GALNT13: variants seen among roughly 807,000 people sequenced by gnomAD.
GALNT13 encodes UDP-GalNAc:polypeptide N-acetylgalactosaminyltransferase 13.
A neutral mutation model predicts 64.2 loss-of-function variants in GALNT13; 28 were observed. The observed-to-expected ratio is 0.44, with a 90% CI of 0.32 to 0.60. The LOEUF is 0.60. Among genes scored for constraint, GALNT13 ranks in the 20% least tolerant of loss-of-function variants. The pLI, the probability that GALNT13 is intolerant of heterozygous loss-of-function variation, is 0.05. For synonymous variants in GALNT13, 214 were observed against 224.6 expected, an observed-to-expected ratio of 0.95 and a Z score of 0.42; for missense variants, 577 against 669.8, an observed-to-expected ratio of 0.86 and a Z score of 1.53.
At chr2:154,251,706 C>T (rs928221662) in intron 7 of GALNT13, among the ~76,000 whole-genome samples, 1 of 152,166 alleles carries the variant, frequency 6.6e-6, no homozygotes, top group Non-Finnish European at 1.5e-5. Context: ...CCAAACTTCC[C>T]ATTTTTATCA....
chr2:153,944,467 T>A lies in GALNT13; in HGVS notation c.-31T>A, dbSNP rs1406582701. On this transcript the variant is annotated 5_prime_UTR_variant, in exon 3 of 13. Transcript: ENST00000392825. ...TTATCACAGTAGCATTTGTCTTCAA[T>A]CTGTGTGTTAACTAGAAATCAAGGA... 1 of 1,605,004 alleles carries A rather than the reference T, an allele frequency of 6.2e-7. No homozygotes were observed. The highest frequency in any genetic ancestry group is 8.5e-7 in the Non-Finnish European group (1 of 1,174,642).
intron 3 of GALNT13, among the ~76,000 whole-genome samples, chr2:154,063,908 A>G (rs1339261042): frequency 6.6e-6 from 1 of 152,200 alleles, no homozygotes; most frequent in Admixed American, 6.5e-5. Context: ...CAGCACCTTC[A>G]TAAGAACCAC....
the GALNT13 span, among the ~76,000 whole-genome samples, chr2:153,256,995 C>A: frequency 1.3e-5 from 2 of 152,354 alleles, no homozygotes; most frequent in African/African-American, 2.4e-5. Context: ...TCGAGCTTCC[C>A]GGCTACTTTG....
chr2:153,468,567 T>C, the GALNT13 span, among the ~76,000 whole-genome samples: 32 of 152,112 alleles, frequency 2.1e-4, no homozygotes. Flanking sequence ...ATTTTCAAGT[T>C]TTCAGTATTA....
At chr2:153,814,465 G>GTAAATAAA in the GALNT13 span, among the ~76,000 whole-genome samples, 6 of 149,016 alleles carry the variant, frequency 4.0e-5, no homozygotes, top group South Asian at 8.5e-4. Flanking sequence ...AAGTAAGTAA[G>GTAAATAAA]TAAATAAATA....
the GALNT13 span, among the ~76,000 whole-genome samples, chr2:153,156,586 TTGATATA>T: frequency 6.6e-6 from 1 of 152,296 alleles, no homozygotes. Context: ...TCTAGTAGAT[TTGATATA>T]TGTCATGTTT....
chr2:154,062,843 A>G (rs1700260517), intron 3 of GALNT13, among the ~76,000 whole-genome samples: 1 of 119,854 alleles, frequency 8.3e-6, no homozygotes, highest in East Asian at 3.0e-4. Context: ...ATTTAATTCA[A>G]CATGGAATGT....
the GALNT13 span, among the ~76,000 whole-genome samples, chr2:153,794,832 C>G: frequency 6.6e-6 from 1 of 152,088 alleles, no homozygotes; most frequent in East Asian, 1.9e-4. Flanking sequence ...ATAACTTTTT[C>G]TTAATGTGAT....
intron 2 of GALNT13, among the ~76,000 whole-genome samples, chr2:153,932,044 G>T (rs1008700560): frequency 6.6e-6 from 1 of 151,670 alleles, no homozygotes; most frequent in African/African-American, 2.4e-5. Flanking sequence ...GAACTCACCC[G>T]GGAATTTATC....
At chr2:153,789,884 A>G in the GALNT13 span, among the ~76,000 whole-genome samples, 1 of 152,194 alleles carries the variant, frequency 6.6e-6, no homozygotes, top group African/African-American at 2.4e-5. Flanking sequence ...TGAAGCAGAA[A>G]GAAATTGATT....
chr2:153,343,841 C>T, the GALNT13 span, among the ~76,000 whole-genome samples: 1 of 152,102 alleles, frequency 6.6e-6, no homozygotes, highest in Non-Finnish European at 1.5e-5. Flanking sequence ...TGTCTCATTC[C>T]TCTTTGTATC....
chr2:153,310,619 G>C, the GALNT13 span, among the ~76,000 whole-genome samples: 3 of 152,062 alleles, frequency 2.0e-5, no homozygotes, highest in Non-Finnish European at 4.4e-5. Context: ...TAGGAATACA[G>C]AATATAATAC....
At chr2:154,350,758 C>T (rs1283041302) in intron 9 of GALNT13, among the ~76,000 whole-genome samples, 1 of 152,050 alleles carries the variant, frequency 6.6e-6, no homozygotes, top group African/African-American at 2.4e-5. Context: ...TACAGTAGCC[C>T]TCATATGCTC....
At chr2:154,000,040 T>C (rs1695795966) in intron 3 of GALNT13, among the ~76,000 whole-genome samples, 1 of 152,032 alleles carries the variant, frequency 6.6e-6, no homozygotes, top group South Asian at 2.1e-4. Context: ...CATGATTTGA[T>C]CTTGGTAGCA....
At chr2:154,417,867 T>C (rs1700090862) in intron 11 of GALNT13, among the ~76,000 whole-genome samples, 1 of 152,046 alleles carries the variant, frequency 6.6e-6, no homozygotes. Flanking sequence ...ACCCACCATC[T>C]CTATATAGTG....
intron 2 of GALNT13, among the ~76,000 whole-genome samples, chr2:153,907,245 T>G (rs1423462388): frequency 1.3e-5 from 2 of 151,898 alleles, no homozygotes; most frequent in Non-Finnish European, 2.9e-5. Flanking sequence ...AAGGGTTTTT[T>G]GTTTAGAGGT....
chr2:154,330,949 T>G (rs1695133279), intron 9 of GALNT13, among the ~76,000 whole-genome samples: 1 of 152,118 alleles, frequency 6.6e-6, no homozygotes, highest in African/African-American at 2.4e-5. Context: ...CAATTTATGA[T>G]TTCCCTAGTC....
At chr2:154,184,173 T>A (rs1452370363) in intron 4 of GALNT13, among the ~76,000 whole-genome samples, 1 of 152,058 alleles carries the variant, frequency 6.6e-6, no homozygotes, top group South Asian at 2.1e-4. Context: ...AATAACCTTC[T>A]TTATCTCAAT....
intron 3 of GALNT13, among the ~76,000 whole-genome samples, chr2:154,099,799 G>A (rs778035824): frequency 1.3e-5 from 2 of 152,074 alleles, no homozygotes; most frequent in Non-Finnish European, 2.9e-5. Flanking sequence ...AATTAGGCAA[G>A]CATGATGATT....
Sources: allele counts gnomAD v4.1 joint callset (sites outside exome capture counted in the v4.1 genomes callset), GRCh38; gene constraint gnomAD v4.1.1; transcripts MANE v1.5; gene names NCBI Gene and HGNC (gene_info 2026-07-23, HGNC 2026-07-21).